The following GLI3 variants were observed in gnomAD, a reference collection of about 807,000 sequenced individuals.
GLI3 encodes the protein transcription activator GLI3.
A neutral mutation model predicts 100.8 loss-of-function variants in GLI3; 20 were observed. The observed-to-expected ratio is 0.20, with a 90% CI of 0.14 to 0.29. The LOEUF is 0.29. Ranked by LOEUF, GLI3 falls within the 10% of genes least tolerant of loss-of-function variation. The pLI is 1.00. For synonymous variants in GLI3, 938 were observed against 860.5 expected (o/e 1.09, Z -1.58); for missense variants, 2,040 against 2,128.5 (o/e 0.96, Z 0.82).
Position 42,142,388 on chromosome 7 carries a change from A to C in GLI3, c.367+5838T>G, listed in dbSNP as rs149235513. On this transcript the variant is annotated intron_variant, in intron 3 of 14. Transcript: ENST00000395925. ...GACCAGTGCACTAAGGGGCTAAGTG[A>C]TTTTCTCTAGAAAAATGCGGTCTCT... Among the ~76,000 whole-genome samples the C allele has an allele frequency of 3.9e-3, 598 of 152,086 alleles. 3 individuals carry two copies. The highest frequency in any genetic ancestry group is 0.014 in the African/African-American group (562 of 41,484).
intron 4 of GLI3, among the ~76,000 whole-genome samples, chr7:42,067,212 A>AT (rs1198399274): frequency 6.6e-6 from 1 of 152,164 alleles, no homozygotes; most frequent in African/African-American, 2.4e-5. Flanking sequence ...TGGACTTACA[A>AT]TTCTAAATTT....
chr7:42,114,931 A>G (rs1386684726), intron 3 of GLI3, among the ~76,000 whole-genome samples: 1 of 151,884 alleles, frequency 6.6e-6, no homozygotes, highest in East Asian at 1.9e-4. Flanking sequence ...CAAACTCCTG[A>G]CCTCAGGCAA....
intron 6 of GLI3, among the ~76,000 whole-genome samples, chr7:42,041,374 G>A (rs1044545411): frequency 6.6e-6 from 1 of 152,188 alleles, no homozygotes; most frequent in Non-Finnish European, 1.5e-5. Flanking sequence ...GTAGATATTA[G>A]AGATGTGAGC....
At chr7:42,006,078 A>G (rs893211384) in intron 10 of GLI3, among the ~76,000 whole-genome samples, 2 of 152,230 alleles carry the variant, frequency 1.3e-5, no homozygotes, top group African/African-American at 4.8e-5. Flanking sequence ...AAAAGATAAA[A>G]TAAGTTTAGC....
At chr7:42,060,570 G>T (rs1784547331) in intron 4 of GLI3, among the ~76,000 whole-genome samples, 1 of 152,044 alleles carries the variant, frequency 6.6e-6, no homozygotes, top group Non-Finnish European at 1.5e-5. Context: ...TAATCAGTTT[G>T]ATTTCTGTGA....
chr7:42,244,536 A>G (rs1023087928), intron 1 of GLI3, among the ~76,000 whole-genome samples: 1 of 152,192 alleles, frequency 6.6e-6, no homozygotes, highest in Non-Finnish European at 1.5e-5. Context: ...GTGCCTGAGC[A>G]ACTACAGTCA....
intron 2 of GLI3, among the ~76,000 whole-genome samples, chr7:42,220,989 C>T (rs1387990671): frequency 6.6e-6 from 1 of 152,198 alleles, no homozygotes; most frequent in Non-Finnish European, 1.5e-5. Context: ...GATTCATACA[C>T]ATTTAGGAGA....
intron 3 of GLI3, among the ~76,000 whole-genome samples, chr7:42,143,768 A>G (rs1786630764): frequency 6.6e-6 from 1 of 152,376 alleles, no homozygotes; most frequent in South Asian, 2.1e-4. Context: ...TATGTTTTCA[A>G]TCAAAGCATT....
At chr7:42,254,506 A>G (rs943230474) in intron 1 of GLI3, among the ~76,000 whole-genome samples, 1 of 152,244 alleles carries the variant, frequency 6.6e-6, no homozygotes, top group African/African-American at 2.4e-5. Flanking sequence ...TAAATGTGTC[A>G]TGGATTGAGC....
At chr7:42,096,121 C>G (rs1419274205) in intron 3 of GLI3, among the ~76,000 whole-genome samples, 1 of 152,118 alleles carries the variant, frequency 6.6e-6, no homozygotes, top group Non-Finnish European at 1.5e-5. Context: ...CTGTGGTGCA[C>G]TCCGGGATGT....
chr7:42,017,752 A>G (rs1788807768), intron 10 of GLI3, among the ~76,000 whole-genome samples: 1 of 152,192 alleles, frequency 6.6e-6, no homozygotes, highest in Non-Finnish European at 1.5e-5. Context: ...CAGTTTAGCA[A>G]CAATTAATAT....
intron 4 of GLI3, among the ~76,000 whole-genome samples, chr7:42,051,900 C>T (rs964599913): frequency 1.3e-5 from 2 of 152,214 alleles, no homozygotes; most frequent in Non-Finnish European, 2.9e-5. Flanking sequence ...GTTATCCTTT[C>T]TACGGGTTTG....
intron 2 of GLI3, among the ~76,000 whole-genome samples, chr7:42,165,464 C>A (rs1170591034): frequency 6.6e-6 from 1 of 152,008 alleles, no homozygotes; most frequent in Non-Finnish European, 1.5e-5. Flanking sequence ...TTCCTGAAGC[C>A]CAAGTATGGA....
At chr7:42,058,418 A>C (rs1031702477) in intron 4 of GLI3, among the ~76,000 whole-genome samples, 7 of 152,232 alleles carry the variant, frequency 4.6e-5, no homozygotes, top group African/African-American at 1.7e-4. Flanking sequence ...TTTTAAAAGG[A>C]TACATGCCAA....
chr7:42,037,201 C>G (rs185668641), intron 7 of GLI3, among the ~76,000 whole-genome samples: 1 of 152,162 alleles, frequency 6.6e-6, no homozygotes, highest in Non-Finnish European at 1.5e-5. Context: ...GACGTGAGAA[C>G]GGTGAGTGAG....
chr7:42,085,554 A>G (rs375416074), intron 3 of GLI3, among the ~76,000 whole-genome samples: 1 of 152,312 alleles, frequency 6.6e-6, no homozygotes, highest in Non-Finnish European at 1.5e-5. Flanking sequence ...ATCCACTCAA[A>G]AAAGCTAAAT....
At chr7:42,262,322 TAA>T (rs1317516553) in intron 1 of GLI3, among the ~76,000 whole-genome samples, 21 of 150,926 alleles carry the variant, frequency 1.4e-4, no homozygotes, top group Admixed American at 6.0e-4. Flanking sequence ...TGCAGAGGTG[TAA>T]ACATGGGTCA....
At chr7:42,209,282 C>T (rs755395125) in intron 2 of GLI3, among the ~76,000 whole-genome samples, 8 of 152,088 alleles carry the variant, frequency 5.3e-5, no homozygotes, top group Non-Finnish European at 1.0e-4. Flanking sequence ...AACTCCTGGC[C>T]TCAAGCAATC....
intron 10 of GLI3, among the ~76,000 whole-genome samples, chr7:41,988,356 G>C (rs1417490464): frequency 6.6e-6 from 1 of 151,846 alleles, no homozygotes; most frequent in African/African-American, 2.4e-5. Context: ...CCAGCTACTC[G>C]GGAGGCTGAG....
Sources: allele counts gnomAD v4.1 joint callset (sites outside exome capture counted in the v4.1 genomes callset), GRCh38; gene constraint gnomAD v4.1.1; transcripts MANE v1.5; gene names NCBI Gene and HGNC (gene_info 2026-07-23, HGNC 2026-07-21).